NPRL3: variants seen among roughly 807,000 people sequenced by gnomAD.
NPRL3 encodes GATOR1 complex protein NPRL3.
In NPRL3, 23 loss-of-function variants were observed where a neutral mutation model predicts 57.2. The observed-to-expected ratio is 0.40, with a 90% confidence interval of 0.29 to 0.57. The LOEUF is 0.57. Ranked by LOEUF, NPRL3 falls within the 20% of genes least tolerant of loss-of-function variation. The probability of loss-of-function intolerance (pLI) is 0.42; values close to 1 mark genes in which losing one functional copy is unlikely to be tolerated. For missense variants in NPRL3, 691 were observed against 767.1 expected, an observed-to-expected ratio of 0.90 and a Z score of 1.17; for synonymous variants, 333 against 321.1, an observed-to-expected ratio of 1.04 and a Z score of -0.39.
chr16:119,343 G>A (rs1340100413), intron 3 of NPRL3, 88 bp from the exon 4 acceptor site: 1 of 1,325,016 alleles, frequency 7.5e-7, no homozygotes, highest in Non-Finnish European at 1.0e-6. Flanking sequence ...AAGGGTCTCA[G>A]TAAACTGCAC....
At chr16:95,350 T>TATACACAC (rs1223611120) in intron 9 of NPRL3, among the ~76,000 whole-genome samples, 25 of 110,982 alleles carry the variant, frequency 2.3e-4, no homozygotes, top group African/African-American at 8.8e-4. Flanking sequence ...TATATATATA[T>TATACACAC]ACACACACAC....
intron 6 of NPRL3, among the ~76,000 whole-genome samples, chr16:111,060 C>T (rs1477175063): frequency 1.3e-5 from 2 of 152,110 alleles, no homozygotes; most frequent in African/African-American, 2.4e-5. Context: ...GTTATTATCA[C>T]AATTATAATT....
At position 86,885 on chromosome 16, in the gene NPRL3, T is replaced by G. The variant is rs781742983; in HGVS notation, c.1545-15A>C. Reference sequence around the variant, plus strand: ...AGTGAAGGAGCCTGGAAGGGATGGGTGGGTGTGAGCCCAACCTGACACCAG... The same window carrying G: ...AGTGAAGGAGCCTGGAAGGGATGGGGGGGTGTGAGCCCAACCTGACACCAG... On this transcript the variant is annotated splice_polypyrimidine_tract_variant and intron_variant, in intron 13 of 13. Transcript: ENST00000611875. 6.2e-7 allele frequency: 1 copy of G among 1,610,282 alleles called. No homozygotes were observed. Among genetic ancestry groups the G allele is most frequent in the Non-Finnish European group, 8.5e-7 (1 of 1,178,240 alleles).
chr16:117,408 A>T (rs1196107636), intron 4 of NPRL3, 33 bp from the exon 5 acceptor site: 1 of 1,487,212 alleles, frequency 6.7e-7, no homozygotes, highest in Admixed American at 1.8e-5. Flanking sequence ...ATTAATTGAG[A>T]CGACTTTCTA....
chr16:136,792 C>G lies in NPRL3; in HGVS notation c.118+1358G>C, dbSNP rs572536357. 2.0e-5 allele frequency among the ~76,000 whole-genome samples: 3 copies of G among 151,860 alleles called. No homozygotes were observed. In the East Asian group the frequency reaches 5.8e-4, roughly 29 times the overall value. On this transcript the variant is annotated intron_variant, in intron 2 of 13. Coordinates refer to ENST00000611875, the MANE Select transcript of NPRL3 (RefSeq NM_001077350.3). ...ACAGTAGTTACCCCTATGATGGAAACTGAGGGCTGGGGGCCAATAGTAGGA... is the reference window on the plus strand; with the variant it reads ...ACAGTAGTTACCCCTATGATGGAAAGTGAGGGCTGGGGGCCAATAGTAGGA...
intron 3 of NPRL3, 101 bp downstream of exon 3, chr16:130,421 A>C: frequency 3.3e-6 from 4 of 1,222,852 alleles, no homozygotes; most frequent in Non-Finnish European, 4.6e-6. Context: ...CAAACACCAG[A>C]CTTCTCAGGG....
At chr16:118,860 G>C (rs1596528341) in intron 4 of NPRL3, among the ~76,000 whole-genome samples, 1 of 151,514 alleles carries the variant, frequency 6.6e-6, no homozygotes, top group East Asian at 1.9e-4. Flanking sequence ...CCCAAGGACA[G>C]ACGCATCTGC....
At chr16:134,937 G>A (rs960679952) in intron 2 of NPRL3, among the ~76,000 whole-genome samples, 2 of 151,606 alleles carry the variant, frequency 1.3e-5, no homozygotes, top group African/African-American at 4.8e-5. Context: ...TCCTGACCTC[G>A]TGATCCGCCC....
intron 4 of NPRL3, among the ~76,000 whole-genome samples, 171 bp downstream of exon 4, chr16:118,955 G>A (rs1900164780): frequency 6.6e-6 from 1 of 151,384 alleles, no homozygotes; most frequent in African/African-American, 2.4e-5. Context: ...TCTGCCCAGG[G>A]GAAGCCAAAT....
At chr16:89,976 C>T (rs1898695359) in intron 11 of NPRL3, 74 bp from the exon 12 acceptor site, 6 of 1,383,074 alleles carry the variant, frequency 4.3e-6, no homozygotes, top group Non-Finnish European at 5.9e-6. Flanking sequence ...GGAGCCATGG[C>T]CCTAGACATG....
In NPRL3 at chr16:138,384, G is replaced by C. The variant is rs1273014592; in HGVS notation, c.-67-50C>G. Reference sequence around the variant, plus strand: ...GAGGGGGCCTGAGGAGGACGAGGCGGGGACGCAGGGGGCCTGAGGAGGGCA... The same window carrying C: ...GAGGGGGCCTGAGGAGGACGAGGCGCGGACGCAGGGGGCCTGAGGAGGGCA... On this transcript the variant is annotated intron_variant, in intron 1 of 13. Coordinates refer to ENST00000611875, the MANE Select transcript of NPRL3 (RefSeq NM_001077350.3). 10 of 770,730 alleles carry C rather than the reference G, an allele frequency of 1.3e-5. 1 individual carries two copies. The African/African-American group carries it at 2.1e-4, about 16-fold the overall frequency. The allele number at this position is 770,730 out of a possible 1,614,324, so 47.7% of individuals were successfully genotyped here.
At chr16:135,120 G>A (rs1901010154) in intron 2 of NPRL3, among the ~76,000 whole-genome samples, 1 of 152,198 alleles carries the variant, frequency 6.6e-6, no homozygotes, top group Admixed American at 6.5e-5. Context: ...ATCAATTAGT[G>A]GAAATAAGGT....
intron 6 of NPRL3, among the ~76,000 whole-genome samples, chr16:111,639 G>T (rs1048798308): frequency 6.6e-6 from 1 of 151,658 alleles, no homozygotes; most frequent in African/African-American, 2.4e-5. Flanking sequence ...TTTCGGTAGA[G>T]GCAGGATTTC....
At chr16:129,243 C>G (rs1311789670) in intron 3 of NPRL3, among the ~76,000 whole-genome samples, 1 of 152,196 alleles carries the variant, frequency 6.6e-6, no homozygotes, top group African/African-American at 2.4e-5. Flanking sequence ...GCCAGCCCTG[C>G]TCTAAGCTGA....
chr16:138,602 G>A (rs1466008535), intron 1 of NPRL3, 40 bp downstream of exon 1: 1 of 78,762 alleles, frequency 1.3e-5, no homozygotes, highest in Non-Finnish European at 2.1e-5. Flanking sequence ...GAGGAGGACA[G>A]GGGTGGTGGT....
chr16:116,653 C>G (rs1567141531), intron 5 of NPRL3, among the ~76,000 whole-genome samples: 1 of 152,018 alleles, frequency 6.6e-6, no homozygotes, highest in Non-Finnish European at 1.5e-5. Flanking sequence ...GAAAACTCAT[C>G]TCTACAAAAA....
intron 9 of NPRL3, among the ~76,000 whole-genome samples, chr16:93,568 T>G (rs1013378153): frequency 6.7e-6 from 1 of 148,866 alleles, no homozygotes; most frequent in East Asian, 1.9e-4. Context: ...GCAATGGTTT[T>G]TTTTTTTTTT....
intron 6 of NPRL3, among the ~76,000 whole-genome samples, chr16:111,796 G>A (rs199574688): frequency 5.9e-5 from 9 of 152,274 alleles, no homozygotes; most frequent in African/African-American, 1.9e-4. Context: ...CAGAGAGGCT[G>A]TTCTTTATTA....
chr16:112,911 G>T, intron 5 of NPRL3, 136 bp from the exon 6 acceptor site: 2 of 851,632 alleles, frequency 2.3e-6, no homozygotes, highest in Non-Finnish European at 1.7e-6. Context: ...TTTCCCCCAG[G>T]CTCCTTTGCA....
Sources: allele counts gnomAD v4.1 joint callset (sites outside exome capture counted in the v4.1 genomes callset), GRCh38; gene constraint gnomAD v4.1.1; transcripts MANE v1.5; gene names NCBI Gene and HGNC (gene_info 2026-07-23, HGNC 2026-07-21).